Variants in HPSE2 observed in about 807,000 individuals in gnomAD.
The protein encoded by HPSE2 is heparanase 2 (inactive).
HPSE2 carries 38 observed loss-of-function variants against 60.5 expected under a neutral mutation model. The ratio of observed to expected loss-of-function variants is 0.63; its 90% CI spans 0.48 to 0.82. The LOEUF is 0.82. HPSE2 is among the 40% of genes least tolerant of loss of function. The probability of loss-of-function intolerance (pLI) is 0.00; values close to 1 mark genes in which losing one functional copy is unlikely to be tolerated. For synonymous variants in HPSE2, 295 were observed against 293.2 expected, an observed-to-expected ratio of 1.01 and a Z score of -0.06; for missense variants, 713 against 740.4, an observed-to-expected ratio of 0.96 and a Z score of 0.43.
At chr10:98,683,340 GT>G (rs1221801295) in intron 6 of HPSE2, among the ~76,000 whole-genome samples, 1 of 149,118 alleles carries the variant, frequency 6.7e-6, no homozygotes, top group Non-Finnish European at 1.5e-5. Flanking sequence ...GGAAATAACA[GT>G]AATTCAGGGA....
chr10:99,199,505 G>A lies in HPSE2; in HGVS notation c.448+32843C>T, dbSNP rs530129973. ...TTATTCTTTTGCATGTGGATATCCC[G>A]TTTTCCCAACATCACTTGTTGAAGG... On this transcript the variant is annotated intron_variant, in intron 2 of 11. Coordinates refer to ENST00000370552, the MANE Select transcript of HPSE2 (RefSeq NM_021828.5). 8.6e-5 allele frequency among the ~76,000 whole-genome samples: 13 copies of A among 151,954 alleles called. No individual in the cohort carries two copies. The South Asian group carries it at 1.0e-3, about 12-fold the overall frequency.
chr10:99,149,026 AAAAT>A (rs1394869779), intron 2 of HPSE2, among the ~76,000 whole-genome samples: 1 of 152,008 alleles, frequency 6.6e-6, no homozygotes, highest in African/African-American at 2.4e-5. Context: ...TGAAGTTTAA[AAAAT>A]AAATATATAT....
In HPSE2 at chr10:99,180,492, CAT is replaced by C. The variant is rs1477682606; in HGVS notation, c.449-36095_449-36094del. ...AGAAGACATTTATGCAGCCAACAAA[CAT>C]ATGAAAAAAAGCTCCTATCACTGGT... On this transcript the variant is annotated intron_variant, in intron 2 of 11. Coordinates refer to ENST00000370552, the MANE Select transcript of HPSE2 (RefSeq NM_021828.5). Among the ~76,000 whole-genome samples, 22 of 152,174 alleles carry C rather than the reference CAT, an allele frequency of 1.4e-4. No homozygotes were observed. In the East Asian group the frequency reaches 2.3e-3, roughly 16 times the overall value.
At chr10:99,090,395 C>A (rs532804376) in intron 3 of HPSE2, among the ~76,000 whole-genome samples, 3 of 151,970 alleles carry the variant, frequency 2.0e-5, no homozygotes, top group Non-Finnish European at 4.4e-5. Flanking sequence ...ATGTTCTGAA[C>A]GAAGGAAGGA....
chr10:98,612,031 C>T (rs1286158720), intron 9 of HPSE2, among the ~76,000 whole-genome samples: 2 of 152,180 alleles, frequency 1.3e-5, no homozygotes, highest in Non-Finnish European at 2.9e-5. Flanking sequence ...GGACTGACAT[C>T]CTTAACTTAC....
chr10:98,945,302 C>T (rs924821089), intron 3 of HPSE2, among the ~76,000 whole-genome samples: 1 of 152,108 alleles, frequency 6.6e-6, no homozygotes, highest in African/African-American at 2.4e-5. Flanking sequence ...TTTACAGATA[C>T]TGAAATATAA....
chr10:98,490,023 C>T (rs1479923340), intron 10 of HPSE2, 28 bp downstream of exon 10: 4 of 1,613,790 alleles, frequency 2.5e-6, no homozygotes, highest in Admixed American at 1.7e-5. Flanking sequence ...CCTCAGGTGG[C>T]CTTTCTGCCA....
intron 9 of HPSE2, among the ~76,000 whole-genome samples, chr10:98,540,844 T>C (rs1265497454): frequency 1.3e-5 from 2 of 152,146 alleles, no homozygotes; most frequent in Non-Finnish European, 2.9e-5. Context: ...CATGATATAA[T>C]TGGACTCTAG....
At chr10:98,571,017 T>C (rs1294256240) in intron 9 of HPSE2, among the ~76,000 whole-genome samples, 1 of 152,158 alleles carries the variant, frequency 6.6e-6, no homozygotes, top group Non-Finnish European at 1.5e-5. Flanking sequence ...ACTTTCTTTT[T>C]AAAATATAAT....
At chr10:98,552,935 C>T (rs1473175210) in intron 9 of HPSE2, among the ~76,000 whole-genome samples, 3 of 152,164 alleles carry the variant, frequency 2.0e-5, no homozygotes, top group East Asian at 1.9e-4. Flanking sequence ...CAAGACATCT[C>T]TGACTCTTCC....
intron 3 of HPSE2, among the ~76,000 whole-genome samples, chr10:98,878,108 C>T (rs1344354365): frequency 1.3e-5 from 2 of 151,812 alleles, no homozygotes; most frequent in Non-Finnish European, 2.9e-5. Context: ...CAACTGAAAA[C>T]CTGGACAAAA....
At chr10:98,757,415 T>C (rs906996293) in intron 3 of HPSE2, among the ~76,000 whole-genome samples, 3 of 152,036 alleles carry the variant, frequency 2.0e-5, no homozygotes, top group African/African-American at 7.2e-5. Context: ...GACAATATGA[T>C]TCTACACCTA....
chr10:98,712,871 T>G (rs1183592931), intron 5 of HPSE2, among the ~76,000 whole-genome samples: 1 of 152,120 alleles, frequency 6.6e-6, no homozygotes, highest in South Asian at 2.1e-4. Flanking sequence ...GAGTACCTAT[T>G]ATGTACCAGG....
At chr10:98,913,129 A>T (rs1954026734) in intron 3 of HPSE2, among the ~76,000 whole-genome samples, 1 of 152,226 alleles carries the variant, frequency 6.6e-6, no homozygotes, top group Non-Finnish European at 1.5e-5. Context: ...CTCCATTCAA[A>T]TATTTCAAAT....
chr10:98,738,953 C>T (rs1949426152), intron 4 of HPSE2, among the ~76,000 whole-genome samples: 1 of 152,056 alleles, frequency 6.6e-6, no homozygotes, highest in African/African-American at 2.4e-5. Context: ...ACCATTTGAC[C>T]CAGCCATCCC....
chr10:99,087,641 C>G (rs1843368893), intron 3 of HPSE2, among the ~76,000 whole-genome samples: 1 of 152,110 alleles, frequency 6.6e-6, no homozygotes, highest in Non-Finnish European at 1.5e-5. Flanking sequence ...GGCCTTTTGA[C>G]CTAAGCAAAG....
chr10:99,244,382 T>TTA, the HPSE2 span, among the ~76,000 whole-genome samples: 4 of 134,182 alleles, frequency 3.0e-5, no homozygotes, highest in African/African-American at 1.1e-4. Context: ...TTTTATTTCT[T>TTA]TTATTATTAT....
At chr10:98,789,276 G>C (rs1288377889) in intron 3 of HPSE2, among the ~76,000 whole-genome samples, 3 of 152,220 alleles carry the variant, frequency 2.0e-5, no homozygotes, top group Non-Finnish European at 4.4e-5. Context: ...ATGCTAGTAT[G>C]AGAGATCCAG....
At chr10:99,237,043 G>C (rs1461432463), upstream of HPSE2, among the ~76,000 whole-genome samples, 1 of 152,074 alleles carries the variant, frequency 6.6e-6, no homozygotes, top group Non-Finnish European at 1.5e-5. Flanking sequence ...ATAACAGCCG[G>C]AAGCCGCTGT....
Sources: allele counts gnomAD v4.1 joint callset (sites outside exome capture counted in the v4.1 genomes callset), GRCh38; gene constraint gnomAD v4.1.1; transcripts MANE v1.5; gene names NCBI Gene and HGNC (gene_info 2026-07-23, HGNC 2026-07-21).